Variants in WIPI2 observed in about 807,000 individuals in gnomAD.
WIPI2 encodes WD repeat domain, phosphoinositide interacting 2, also known as WD repeat domain phosphoinositide-interacting protein 2.
Under a neutral mutation model 52.3 loss-of-function variants are expected in WIPI2, and 28 were observed. The observed-to-expected ratio is 0.54, with a 90% CI of 0.40 to 0.73. The LOEUF (loss-of-function observed/expected upper bound fraction) is 0.73. Ranked by LOEUF, WIPI2 falls within the 30% of genes least tolerant of loss-of-function variation. The pLI is 0.00. For missense variants in WIPI2, 506 were observed against 602.9 expected (o/e 0.84, Z 1.68); for synonymous variants, 268 against 245.0 (o/e 1.09, Z -0.88).
In WIPI2 at chr7:5,225,856, G is replaced by A. The variant is rs997756947; in HGVS notation, c.774G>A (p.Met258Ile). ...CVSICSLAFS[M>I]DGMFLSASSN... is the part of the protein sequence containing the mutation. ...GCATCTGCTCCCTGGCCTTCAGCAT[G>A]GACGGCATGTTCCTCTCCGCCTCCA... Residue 258 changes from methionine (M) to isoleucine (I), a missense_variant, in exon 9 of 13, where the codon ATG (methionine) becomes ATA (isoleucine). Transcript: ENST00000288828. The A allele has an allele frequency of 1.2e-6, 2 of 1,613,694 alleles. No homozygotes were observed. Among genetic ancestry groups the A allele is most frequent in the South Asian group, 1.1e-5 (1 of 90,940 alleles).
At chr7:5,218,087 C>A in intron 7 of WIPI2, 73 bp downstream of exon 7, 1 of 1,509,758 alleles carries the variant, frequency 6.6e-7, no homozygotes, top group Non-Finnish European at 9.2e-7. Context: ...GTTCACACAG[C>A]CACCTTAGAG....
Position 5,191,933 on chromosome 7 carries a change from A to T in WIPI2, c.75-1185A>T, listed in dbSNP as rs183651852. ...CACCTCATCCAACTACAGATGAGGA[A>T]ATCCTTCCGAAAGGCTCCAAGCTGG... On this transcript the variant is annotated intron_variant, in intron 1 of 12. Transcript: ENST00000288828. 1.4e-3 allele frequency among the ~76,000 whole-genome samples: 211 copies of T among 152,292 alleles called. 2 individuals are homozygous for T. Among genetic ancestry groups the T allele is most frequent in the Non-Finnish European group, 5.7e-4 (39 of 68,016 alleles).
At chr7:5,220,493 C>T (rs148211766) in intron 7 of WIPI2, among the ~76,000 whole-genome samples, 13,024 of 152,092 alleles carry the variant, frequency 0.086, 730 homozygotes, top group Middle Eastern at 0.13. Flanking sequence ...CCCGCCTTGG[C>T]CTCCCAAAGT....
chr7:5,227,637 C>T lies in WIPI2; in HGVS notation c.1013+293C>T, dbSNP rs1783503644. Among the ~76,000 whole-genome samples, 1 of 152,134 alleles carries T rather than the reference C, an allele frequency of 6.6e-6. No individual in the cohort carries two copies. The highest frequency in any genetic ancestry group is 1.5e-5 in the Non-Finnish European group (1 of 68,030). ...TGTGCCGTAGTTAACCCTTTGGGGC[C>T]ACAGAAACCGCACTTGCCGAGTCTC... is the stretch of plus-strand genomic sequence containing the variant. On this transcript the variant is annotated intron_variant, in intron 10 of 12. Transcript: ENST00000288828. The surrounding 1 kb of genome is among the most constrained non-coding windows in gnomAD (Gnocchi z 8.1).
At chr7:5,200,443 C>T (rs1781965741) in intron 3 of WIPI2, among the ~76,000 whole-genome samples, 1 of 152,176 alleles carries the variant, frequency 6.6e-6, no homozygotes, top group Admixed American at 6.5e-5. Flanking sequence ...TAACATCTCG[C>T]AAAGCCCCAG....
intron 3 of WIPI2, among the ~76,000 whole-genome samples, chr7:5,201,884 A>G (rs183470927): frequency 1.6e-4 from 25 of 152,300 alleles, no homozygotes; most frequent in Middle Eastern, 3.4e-3. Flanking sequence ...GAGGGTTAAT[A>G]CTTTAAACTG....
Position 5,229,595 on chromosome 7 carries a change from T to C in WIPI2, c.1122-13T>C, listed in dbSNP as rs1254721153. The C allele has an allele frequency of 1.2e-6, 2 of 1,611,468 alleles. No homozygotes were observed. The highest frequency in any genetic ancestry group is 4.5e-5 in the East Asian group (2 of 44,804). ...TGTGGAGACGCTGAGCTGTGTCGCT[T>C]TCTTCCCTCCAGGCTGGACGGCAGT... On this transcript the variant is annotated splice_polypyrimidine_tract_variant and intron_variant, in intron 11 of 12. Transcript: ENST00000288828.
chr7:5,193,681 TC>T (rs1266235177), intron 2 of WIPI2, among the ~76,000 whole-genome samples: 1 of 152,200 alleles, frequency 6.6e-6, no homozygotes, highest in Non-Finnish European at 1.5e-5. Context: ...GCTCAAGCGG[TC>T]CTCCTGCCTC....
rs1017687274 is a variant in WIPI2 at position 5,226,021 on chromosome 7, A to C, written c.848+91A>C. The C allele has an allele frequency of 4.0e-6, 5 of 1,259,280 alleles. No individual in the cohort carries two copies. In the African/African-American group the frequency reaches 7.4e-5, roughly 19 times the overall value. The allele number at this position is 1,259,280 out of a possible 1,614,324, so 78.0% of individuals were successfully genotyped here. On this transcript the variant is annotated intron_variant, in intron 9 of 12. Coordinates refer to ENST00000288828, the MANE Select transcript of WIPI2 (RefSeq NM_015610.4). ...ATGAGAGGTAAGCACGGACCCGCCC[A>C]CCCTCTGACATCGTTAGCCAGTGAA...
At chr7:5,196,736 G>A (rs1319948457) in intron 2 of WIPI2, among the ~76,000 whole-genome samples, 4 of 152,220 alleles carry the variant, frequency 2.6e-5, no homozygotes, top group African/African-American at 9.6e-5. Context: ...TAGGAAGGAC[G>A]GGCTGTTAAT....
At chr7:5,203,296 C>T (rs188230640) in intron 3 of WIPI2, among the ~76,000 whole-genome samples, 2 of 152,284 alleles carry the variant, frequency 1.3e-5, no homozygotes, top group Admixed American at 1.3e-4. Flanking sequence ...GTCCCTTGGC[C>T]TAAATCTGTG....
rs10709311 is a variant in WIPI2, at chr7:5,203,625, C to CTTTTT, written c.211+3988_211+3992dup. The stretch of plus-strand genomic sequence containing the variant: ...GAAGTCACTAAAGTTTACGTTCAGC[C>CTTTTT]TTTTTTTTTTTTTTTTTTTTTTTTT... On this transcript the variant is annotated intron_variant, in intron 3 of 12. Coordinates refer to ENST00000288828, the MANE Select transcript of WIPI2 (RefSeq NM_015610.4). Among the ~76,000 whole-genome samples the CTTTTT allele has an allele frequency of 2.5e-3, 163 of 66,380 alleles. 1 individual carries two copies. Among genetic ancestry groups the CTTTTT allele is most frequent in the African/African-American group, 8.3e-3 (144 of 17,442 alleles). 43.5% of individuals were successfully genotyped at this position (66,380 alleles called of 152,430 possible).
At chr7:5,212,810 A>C (rs2115266024) in intron 3 of WIPI2, among the ~76,000 whole-genome samples, 1 of 152,354 alleles carries the variant, frequency 6.6e-6, no homozygotes, top group African/African-American at 2.4e-5. Context: ...GAAGCACCGC[A>C]TCTGGCCCCA....
chr7:5,226,462 T>TCCTCCTGCCTCAG (rs1322699609), intron 9 of WIPI2: 1 of 155,198 alleles, frequency 6.4e-6, no homozygotes, highest in Non-Finnish European at 1.4e-5. Flanking sequence ...GCTCAAGCGA[T>TCCTCCTGCCTCAG]CCTCCTGCCT....
rs571664443 is a variant in WIPI2, at chr7:5,196,451, C to T, written c.129-3125C>T. ...GAATATTTTTGTTTCCCTTTCTTAA[C>T]GGATTGGAATGCACAGTTTTGTAAA... is the stretch of plus-strand genomic sequence containing the variant. On this transcript the variant is annotated intron_variant, in intron 2 of 12. Transcript: ENST00000288828. Among the ~76,000 whole-genome samples, 7 of 152,230 alleles carry T rather than the reference C, an allele frequency of 4.6e-5. No individual in the cohort carries two copies. The East Asian group carries it at 9.7e-4, about 21-fold the overall frequency.
intron 7 of WIPI2, among the ~76,000 whole-genome samples, chr7:5,221,497 C>T (rs995044627): frequency 1.1e-4 from 16 of 152,186 alleles, no homozygotes; most frequent in African/African-American, 3.9e-4. Context: ...CATTTTAAGG[C>T]CTTTCTTTCC....
In WIPI2 at chr7:5,227,622, T is replaced by TGTGCCG. The variant is rs1783502482; in HGVS notation, c.1013+278_1013+279insGTGCCG. Among the ~76,000 whole-genome samples the TGTGCCG allele has an allele frequency of 6.6e-6, 1 of 152,220 alleles. No homozygotes were observed. The highest frequency in any genetic ancestry group is 2.1e-4 in the South Asian group (1 of 4,836). Reference sequence around the variant, plus strand: ...GTCAAACCTCGTGAGTGTGCCGTAGTTAACCCTTTGGGGCCACAGAAACCG... The same window carrying TGTGCCG: ...GTCAAACCTCGTGAGTGTGCCGTAGTGTGCCGTAACCCTTTGGGGCCACAGAAACCG... On this transcript the variant is annotated intron_variant, in intron 10 of 12. Transcript: ENST00000288828. This position sits in a 1 kb window ranked among gnomAD's most constrained non-coding sequence, Gnocchi z 8.1.
intron 2 of WIPI2, among the ~76,000 whole-genome samples, chr7:5,197,074 T>C (rs1781774036): frequency 1.7e-5 from 2 of 118,268 alleles, no homozygotes; most frequent in African/African-American, 6.5e-5. Flanking sequence ...ATCGCGCTGC[T>C]GCACTCCAGC....
chr7:5,227,007 C>G lies in WIPI2; in HGVS notation c.849-173C>G, dbSNP rs1783467984. 1.2e-6 allele frequency: 1 copy of G among 834,318 alleles called. No homozygotes were observed. The highest frequency in any genetic ancestry group is 1.8e-6 in the Non-Finnish European group (1 of 543,458). The allele number at this position is 834,318 out of a possible 1,614,324, so 51.7% of individuals were successfully genotyped here. A position where few individuals can be genotyped will look rare whatever the true frequency, so the allele number is the denominator to read the frequency against. On this transcript the variant is annotated intron_variant, in intron 9 of 12. Transcript: ENST00000288828. The surrounding 1 kb of genome is among the most constrained non-coding windows in gnomAD (Gnocchi z 8.1). Reference sequence around the variant, plus strand: ...CCCCCGACACCTCCCAGAGGAAGCTCCGTGATGCCCCTGGGGCCCTGAGTG... The same window carrying G: ...CCCCCGACACCTCCCAGAGGAAGCTGCGTGATGCCCCTGGGGCCCTGAGTG...
Sources: allele counts gnomAD v4.1 joint callset (sites outside exome capture counted in the v4.1 genomes callset), GRCh38; gene constraint gnomAD v4.1.1; non-coding constraint Gnocchi (gnomAD v3.1); transcripts MANE v1.5; gene names NCBI Gene and HGNC (gene_info 2026-07-23, HGNC 2026-07-21).